The following IFT43 variants were observed in gnomAD, a reference collection of about 807,000 sequenced individuals.
IFT43 encodes intraflagellar transport 43.
IFT43 carries 33 observed loss-of-function variants against 32.3 expected under a neutral mutation model. That is an observed-to-expected ratio of 1.02 (90% CI 0.77 to 1.37). IFT43 has a LOEUF of 1.37. Among genes scored for constraint, IFT43 ranks in the 40% most tolerant of loss-of-function variants. IFT43 has a pLI of 0.00. For missense variants in IFT43, 274 were observed against 265.9 expected (o/e 1.03, Z -0.21); for synonymous variants, 93 against 98.2 (o/e 0.95, Z 0.31).
chr14:76,077,108 G>A (rs1315434646), intron 5 of IFT43, among the ~76,000 whole-genome samples: 1 of 152,070 alleles, frequency 6.6e-6, no homozygotes, highest in Non-Finnish European at 1.5e-5. Context: ...GAAAAGCAGT[G>A]TGACCCAGCC....
intron 5 of IFT43, among the ~76,000 whole-genome samples, chr14:76,062,092 A>G (rs1482361789): frequency 6.7e-6 from 1 of 150,210 alleles, no homozygotes; most frequent in African/African-American, 2.5e-5. Flanking sequence ...TTTTTTTTAA[A>G]CAGAGTCTCA....
At chr14:76,002,600 C>G (rs2035909991) in intron 2 of IFT43, among the ~76,000 whole-genome samples, 2 of 152,224 alleles carry the variant, frequency 1.3e-5, no homozygotes. Context: ...TGAACACTAA[C>G]TTGGCTTAGA....
At chr14:75,998,495 A>C (rs1173057647) in intron 2 of IFT43, among the ~76,000 whole-genome samples, 1 of 152,226 alleles carries the variant, frequency 6.6e-6, no homozygotes, top group Non-Finnish European at 1.5e-5. Context: ...ACTTGTGTTT[A>C]GGAAACACAT....
At chr14:76,000,933 G>A (rs963890676) in intron 2 of IFT43, among the ~76,000 whole-genome samples, 8 of 152,200 alleles carry the variant, frequency 5.3e-5, no homozygotes, top group Non-Finnish European at 1.2e-4. Context: ...TTTTCAAAGA[G>A]GTCTGCCAAG....
intron 3 of IFT43, among the ~76,000 whole-genome samples, chr14:76,030,180 T>C (rs2036482081): frequency 6.6e-6 from 1 of 152,142 alleles, no homozygotes; most frequent in Non-Finnish European, 1.5e-5. Context: ...TGCACCCAGC[T>C]GGACTCATGG....
chr14:76,011,321 A>G (rs980434519), intron 2 of IFT43, among the ~76,000 whole-genome samples: 4 of 152,156 alleles, frequency 2.6e-5, no homozygotes, highest in Non-Finnish European at 5.9e-5. Context: ...GTGTCATTTT[A>G]CTTATTACTT....
intron 2 of IFT43, among the ~76,000 whole-genome samples, chr14:75,995,952 C>T (rs2035737264): frequency 6.6e-6 from 1 of 152,150 alleles, no homozygotes; most frequent in Admixed American, 6.5e-5. Flanking sequence ...GGGCCGGCCG[C>T]TGTGTGGGAG....
At chr14:76,040,965 C>G (rs2036695841) in intron 3 of IFT43, among the ~76,000 whole-genome samples, 1 of 152,208 alleles carries the variant, frequency 6.6e-6, no homozygotes, top group Non-Finnish European at 1.5e-5. Context: ...CCTCTAAGGG[C>G]CCAAGTCAGC....
At chr14:76,070,921 C>T (rs1017778106) in intron 5 of IFT43, among the ~76,000 whole-genome samples, 2 of 152,178 alleles carry the variant, frequency 1.3e-5, no homozygotes, top group Non-Finnish European at 2.9e-5. Flanking sequence ...AATTAAATCT[C>T]TTTTCTTTAC....
Position 76,070,943 on chromosome 14 carries a change from T to TC in IFT43, c.296-11351dup, listed in dbSNP as rs1286295370. ...TCTCTTTTCTTTACAAATTACAGTT[T>TC]CAAGTATTTTTTTTATAGCAATGCA... On this transcript the variant is annotated intron_variant, in intron 5 of 8. Coordinates refer to ENST00000314067, the MANE Select transcript of IFT43 (RefSeq NM_001102564.3). 2.0e-5 allele frequency among the ~76,000 whole-genome samples: 3 copies of TC among 152,188 alleles called. No individual in the cohort carries two copies. In the East Asian group the frequency reaches 5.8e-4, roughly 29 times the overall value.
intron 7 of IFT43, 70 bp downstream of exon 7, chr14:76,082,762 A>G: frequency 8.5e-7 from 1 of 1,173,296 alleles, no homozygotes; most frequent in Non-Finnish European, 1.3e-6. Flanking sequence ...GAGATTTCTC[A>G]GTTCCTCCCA....
chr14:76,000,619 ATC>A (rs1164131084), intron 2 of IFT43, among the ~76,000 whole-genome samples: 1 of 152,142 alleles, frequency 6.6e-6, no homozygotes, highest in Non-Finnish European at 1.5e-5. Flanking sequence ...TTTACCAGGC[ATC>A]TCACCAGTGG....
At chr14:76,036,078 A>G (rs1313233524) in intron 3 of IFT43, among the ~76,000 whole-genome samples, 2 of 152,222 alleles carry the variant, frequency 1.3e-5, no homozygotes, top group African/African-American at 4.8e-5. Flanking sequence ...AAATAATGCA[A>G]TTGATTCCCT....
At chr14:76,040,653 A>T (rs577885112) in intron 3 of IFT43, among the ~76,000 whole-genome samples, 1 of 152,246 alleles carries the variant, frequency 6.6e-6, no homozygotes, top group African/African-American at 2.4e-5. Flanking sequence ...ATGACTAAGC[A>T]TGAAATCTCT....
At chr14:76,066,577 G>T (rs377571836) in intron 5 of IFT43, among the ~76,000 whole-genome samples, 1 of 152,232 alleles carries the variant, frequency 6.6e-6, no homozygotes, top group Non-Finnish European at 1.5e-5. Flanking sequence ...CTGCTCCTTT[G>T]AACTTAGAAT....
intron 2 of IFT43, among the ~76,000 whole-genome samples, chr14:75,998,726 CAG>C (rs1360024248): frequency 1.3e-5 from 2 of 152,154 alleles, no homozygotes; most frequent in African/African-American, 4.8e-5. Context: ...AGGGAGCAGT[CAG>C]AGAGGGGGCC....
At chr14:76,042,834 G>C (rs1410160044) in intron 3 of IFT43, among the ~76,000 whole-genome samples, 2 of 152,238 alleles carry the variant, frequency 1.3e-5, no homozygotes, top group Non-Finnish European at 2.9e-5. Context: ...TTCGGGGCCT[G>C]TGATGCCATG....
chr14:75,991,392 T>TGTGTGTGTATATTAACAAGA (rs1439361095), intron 2 of IFT43, among the ~76,000 whole-genome samples: 1,342 of 64,904 alleles, frequency 0.021, 26 homozygotes, highest in African/African-American at 0.089. Context: ...AACAAGAGTG[T>TGTGTGTGTATATTAACAAGA]GTGTGTGTGT....
intron 5 of IFT43, among the ~76,000 whole-genome samples, chr14:76,073,603 C>T (rs1054972551): frequency 1.3e-5 from 2 of 152,114 alleles, no homozygotes; most frequent in Non-Finnish European, 2.9e-5. Context: ...GTGCACACAT[C>T]TCTGTGTGTG....
Sources: allele counts gnomAD v4.1 joint callset (sites outside exome capture counted in the v4.1 genomes callset), GRCh38; gene constraint gnomAD v4.1.1; transcripts MANE v1.5; gene names NCBI Gene and HGNC (gene_info 2026-07-23, HGNC 2026-07-21).